RGS3: variants seen among roughly 807,000 people sequenced by gnomAD.
The protein encoded by RGS3 is regulator of G protein signaling 3.
Under a neutral mutation model 132.6 loss-of-function variants are expected in RGS3, and 80 were observed. The observed-to-expected ratio is 0.60, with a 90% confidence interval of 0.50 to 0.73. RGS3 has a LOEUF of 0.73. RGS3 is among the 30% of genes least tolerant of loss of function. The pLI, the probability that RGS3 is intolerant of heterozygous loss-of-function variation, is 0.00. For missense variants in RGS3, 1,382 were observed against 1,530.8 expected, an observed-to-expected ratio of 0.90 and a Z score of 1.62; for synonymous variants, 598 against 620.6, an observed-to-expected ratio of 0.96 and a Z score of 0.54.
At chr9:113,471,964 T>A (rs1208828096) in intron 3 of RGS3, among the ~76,000 whole-genome samples, 1 of 152,024 alleles carries the variant, frequency 6.6e-6, no homozygotes, top group Non-Finnish European at 1.5e-5. Context: ...CAAAAATGGG[T>A]AAAGGATTTG....
intron 6 of RGS3, 80 bp from the exon 5 acceptor site, chr9:113,485,545 A>T: frequency 9.0e-7 from 1 of 1,108,184 alleles, no homozygotes; most frequent in Non-Finnish European, 1.3e-6. Flanking sequence ...CATTTTTGGA[A>T]TTATGACTGA....
At chr9:113,482,050 A>G (rs1404192304) in intron 4 of RGS3, among the ~76,000 whole-genome samples, 2 of 151,654 alleles carry the variant, frequency 1.3e-5, no homozygotes, top group Non-Finnish European at 2.9e-5. Flanking sequence ...CCATCTCAAA[A>G]AAAAAAAAAA....
rs1832742574 is a variant in RGS3 at position 113,537,792 on chromosome 9, T to C, written c.2037+874T>C. 6.6e-6 allele frequency among the ~76,000 whole-genome samples: 1 copy of C among 152,154 alleles called. No individual in the cohort carries two copies. Among genetic ancestry groups the C allele is most frequent in the Non-Finnish European group, 1.5e-5 (1 of 68,016 alleles). ...CCCTATGCCATGGGCAGCAGGCCTA[T>C]GCAGGGGGCAGTTGGGGGGCAGGCC... is the stretch of plus-strand genomic sequence containing the variant. On this transcript the variant is annotated intron_variant, in intron 19 of 24. Coordinates refer to ENST00000350696, the Ensembl canonical transcript of RGS3. The surrounding 1 kb of genome is among the most constrained non-coding windows in gnomAD (Gnocchi z 4.3).
At position 113,595,629 on chromosome 9, in the gene RGS3, G is replaced by A. The variant is rs150045948; in HGVS notation, c.3275G>A (p.Arg1092His). The A allele has an allele frequency of 4.0e-5, 65 of 1,614,150 alleles. No homozygotes were observed. In the Admixed American group the frequency reaches 5.7e-4, roughly 14 times the overall value. The stretch of plus-strand genomic sequence containing the variant: ...TTAGCAGTGTTCCAAGCCTTCCTTC[G>A]CACTGAGTTCAGTGAGGAGAATCTG... The change falls in exon 24 of 25, where the codon CGC (arginine) becomes CAC (histidine). Residue 1092 changes from arginine to histidine, a missense_variant. Physicochemically the swap from Arg to His is conservative, Grantham distance 29 (BLOSUM62 0). Coordinates refer to ENST00000350696, the Ensembl canonical transcript of RGS3.
intron 1 of RGS3, among the ~76,000 whole-genome samples, chr9:113,448,465 CT>C (rs1051827912): frequency 6.6e-6 from 1 of 152,106 alleles, no homozygotes; most frequent in Non-Finnish European, 1.5e-5. Flanking sequence ...CTTCTTCCCC[CT>C]TCTGCCTGGC....
At chr9:113,539,541 C>G (rs1404861323) in intron 19 of RGS3, among the ~76,000 whole-genome samples, 1 of 152,168 alleles carries the variant, frequency 6.6e-6, no homozygotes, top group Non-Finnish European at 1.5e-5. Context: ...AACTCCTGAC[C>G]TCAAGAGTAG....
At chr9:113,481,965 G>C (rs906347358) in intron 4 of RGS3, among the ~76,000 whole-genome samples, 2 of 151,544 alleles carry the variant, frequency 1.3e-5, no homozygotes, top group African/African-American at 2.4e-5. Context: ...AGAATCACTT[G>C]AACCCGGGAG....
intron 1 of RGS3, among the ~76,000 whole-genome samples, chr9:113,445,209 T>C (rs1285596537): frequency 6.6e-6 from 1 of 151,962 alleles, no homozygotes; most frequent in Admixed American, 6.6e-5. Flanking sequence ...TTGTTTTTTG[T>C]TTTTTGAGAC....
intron 21 of RGS3, chr9:113,593,695 G>A: frequency 1.7e-6 from 1 of 573,554 alleles, no homozygotes; most frequent in South Asian, 2.1e-5. Flanking sequence ...GGGAAAAGAG[G>A]GGCGAACATG....
Position 113,463,584 on chromosome 9 carries a change from G to GCCGCCCCCCC in RGS3, c.415+1385_415+1386insGCCCCCCCCC. On this transcript the variant is annotated intron_variant, in intron 3 of 24. Transcript: ENST00000350696. The surrounding 1 kb of genome is among the most constrained non-coding windows in gnomAD (Gnocchi z 4.6). The stretch of plus-strand genomic sequence containing the variant: ...CTGCTCAGCGCGGGTCGGCGGCGCC[G>GCCGCCCCCCC]CCTCCCCCACCCCGGCCCAGCTCTG... 1.2e-6 allele frequency: 1 copy of GCCGCCCCCCC among 805,578 alleles called. No homozygotes were observed. Among genetic ancestry groups the GCCGCCCCCCC allele is most frequent in the Non-Finnish European group, 1.7e-6 (1 of 588,906 alleles). The allele number at this position is 805,578 out of a possible 1,614,324, so 49.9% of individuals were successfully genotyped here.
chr9:113,541,696 G>A, intron 19 of RGS3: 1 of 1,079,150 alleles, frequency 9.3e-7, no homozygotes. Flanking sequence ...AGGAGGAGGA[G>A]GAGGAGGACA....
At chr9:113,494,738 G>T (rs1830630585) in intron 7 of RGS3, among the ~76,000 whole-genome samples, 1 of 152,224 alleles carries the variant, frequency 6.6e-6, no homozygotes, top group South Asian at 2.1e-4. Context: ...GCCTTCCAAA[G>T]TGCTGGATTA....
intron 18 of RGS3, among the ~76,000 whole-genome samples, chr9:113,536,181 G>T (rs930077808): frequency 2.6e-5 from 4 of 152,330 alleles, no homozygotes; most frequent in African/African-American, 9.6e-5. Flanking sequence ...CTGCCCTCGA[G>T]TGAGCTGAAC....
At chr9:113,499,913 A>G (rs1014431093) in intron 10 of RGS3, among the ~76,000 whole-genome samples, 6 of 152,216 alleles carry the variant, frequency 3.9e-5, no homozygotes, top group Admixed American at 6.5e-5. Context: ...CATTAGTTGA[A>G]AAGCTTTCCT....
intron 22 of RGS3, among the ~76,000 whole-genome samples, 183 bp downstream of exon 20, chr9:113,594,714 T>C (rs1835665123): frequency 6.6e-6 from 1 of 151,734 alleles, no homozygotes; most frequent in Non-Finnish European, 1.5e-5. Context: ...GCAGCTGCCC[T>C]AGGGGGAAGG....
chr9:113,574,973 G>A (rs959848315), intron 19 of RGS3, among the ~76,000 whole-genome samples: 1 of 152,206 alleles, frequency 6.6e-6, no homozygotes, highest in Admixed American at 6.5e-5. Flanking sequence ...AGTAGAAGGG[G>A]TGTTTGGGGT....
rs1384718345 is a variant in RGS3, at chr9:113,529,282, G to C, written c.1914+18G>C. The C allele has an allele frequency of 6.2e-7, 1 of 1,600,454 alleles. No individual in the cohort carries two copies. Among genetic ancestry groups the C allele is most frequent in the East Asian group, 2.2e-5 (1 of 44,806 alleles). On this transcript the variant is annotated intron_variant, in intron 18 of 24. Coordinates refer to ENST00000350696, the Ensembl canonical transcript of RGS3. The stretch of plus-strand genomic sequence containing the variant: ...TAGCAGAGGTGAGTCCTTTCCTCTG[G>C]ATTTGAGGAGAGAGATCTTCGACCT...
exon 2 of RGS3, chr9:113,461,830 C>G: frequency 1.9e-6 from 3 of 1,614,098 alleles, no homozygotes; most frequent in Non-Finnish European, 2.5e-6. Flanking sequence ...GGAGGAGGCT[C>G]TACAGTGGTC....
chr9:113,479,439 C>T, intron 3 of RGS3, 52 bp from the exon 2 acceptor site: 5 of 1,577,552 alleles, frequency 3.2e-6, no homozygotes, highest in Non-Finnish European at 4.4e-6. Flanking sequence ...GTTTTTTCCA[C>T]CACACCCACC....
Sources: gnomAD v4.1 joint callset for allele counts (sites outside exome capture counted in the v4.1 genomes callset) on GRCh38, gnomAD v4.1.1 for gene constraint, Gnocchi (gnomAD v3.1) non-coding constraint, MANE v1.5 for transcripts, NCBI Gene and HGNC (gene_info 2026-07-23, HGNC 2026-07-21) for gene names.